Variants in ARHGAP24 observed in about 807,000 individuals in gnomAD.
ARHGAP24 encodes rho GTPase-activating protein 24.
ARHGAP24 carries 50 observed loss-of-function variants against 76.4 expected under a neutral mutation model. The observed-to-expected ratio is 0.65, with a 90% CI of 0.52 to 0.83. The LOEUF (loss-of-function observed/expected upper bound fraction) is 0.83. ARHGAP24 is among the 40% of genes least tolerant of loss of function. The pLI is 0.00. For missense variants in ARHGAP24, 930 were observed against 914.2 expected (o/e 1.02, Z -0.22); for synonymous variants, 345 against 323.3 (o/e 1.07, Z -0.72).
chr4:85,653,843 C>T (rs575682429), intron 2 of ARHGAP24, among the ~76,000 whole-genome samples: 2 of 152,240 alleles, frequency 1.3e-5, no homozygotes, highest in East Asian at 3.9e-4. Context: ...TGAATAGCCA[C>T]ATGTGCCCAG....
intron 2 of ARHGAP24, among the ~76,000 whole-genome samples, chr4:85,619,182 C>G (rs1720628980): frequency 6.6e-6 from 1 of 151,916 alleles, no homozygotes; most frequent in Non-Finnish European, 1.5e-5. Context: ...CCTCTGCTTT[C>G]AGATATTTGC....
intron 1 of ARHGAP24, among the ~76,000 whole-genome samples, chr4:85,562,953 G>A (rs902752327): frequency 6.6e-6 from 1 of 152,178 alleles, no homozygotes; most frequent in East Asian, 1.9e-4. Context: ...AAGAGTCTAA[G>A]GCCAGAGTTC....
In ARHGAP24 at chr4:85,830,090, T is replaced by A. The variant is rs143994849; in HGVS notation, c.269-93558T>A. Among the ~76,000 whole-genome samples, 846 of 152,350 alleles carry A rather than the reference T, an allele frequency of 5.6e-3. 24 individuals are homozygous for A. Among genetic ancestry groups the A allele is most frequent in the Admixed American group, 0.045 (693 of 15,304 alleles). The stretch of plus-strand genomic sequence containing the variant: ...CCTTTATTTACATATTTGATAAATA[T>A]CTCTAATTTTCTAAAATGCTTAAAC... On this transcript the variant is annotated intron_variant, in intron 3 of 9. Coordinates refer to ENST00000395184, the MANE Select transcript of ARHGAP24 (RefSeq NM_001025616.3).
At chr4:85,478,622 A>T (rs1307713687) in intron 1 of ARHGAP24, among the ~76,000 whole-genome samples, 2 of 152,206 alleles carry the variant, frequency 1.3e-5, no homozygotes, top group African/African-American at 4.8e-5. Context: ...ATGACTTACA[A>T]TATTTAAACT....
intron 1 of ARHGAP24, among the ~76,000 whole-genome samples, chr4:85,483,472 C>A: frequency 6.6e-6 from 1 of 151,964 alleles, no homozygotes; most frequent in Admixed American, 6.6e-5. Flanking sequence ...ATTATCTGGG[C>A]GTGGTGGTGC....
At chr4:85,798,706 C>A (rs1319125863) in intron 3 of ARHGAP24, among the ~76,000 whole-genome samples, 1 of 152,092 alleles carries the variant, frequency 6.6e-6, no homozygotes, top group East Asian at 1.9e-4. Flanking sequence ...ATTTTTGCAA[C>A]TTCTAAATGA....
chr4:85,674,041 C>T (rs1388903869), intron 2 of ARHGAP24, among the ~76,000 whole-genome samples: 1 of 152,116 alleles, frequency 6.6e-6, no homozygotes, highest in African/African-American at 2.4e-5. Context: ...CCTGGGCTCT[C>T]GACTTACCCA....
At chr4:85,939,242 A>G (rs1736818997) in intron 4 of ARHGAP24, among the ~76,000 whole-genome samples, 1 of 152,238 alleles carries the variant, frequency 6.6e-6, no homozygotes, top group South Asian at 2.1e-4. Context: ...TTTTAAAAGC[A>G]CAAAAAATGT....
intron 3 of ARHGAP24, among the ~76,000 whole-genome samples, chr4:85,729,928 G>T (rs538201327): frequency 6.6e-6 from 1 of 152,136 alleles, no homozygotes; most frequent in Admixed American, 6.5e-5. Context: ...CCTATGAAAA[G>T]GAAGATGAAA....
intron 2 of ARHGAP24, among the ~76,000 whole-genome samples, chr4:85,720,798 C>T (rs1234160443): frequency 6.6e-6 from 1 of 151,068 alleles, no homozygotes; most frequent in Non-Finnish European, 1.5e-5. Flanking sequence ...CTAGAGAAAA[C>T]AAAGAAACAA....
At chr4:85,770,348 T>A (rs1283495473) in intron 3 of ARHGAP24, among the ~76,000 whole-genome samples, 2 of 152,206 alleles carry the variant, frequency 1.3e-5, no homozygotes, top group Non-Finnish European at 2.9e-5. Flanking sequence ...CATAGTATGG[T>A]ATCACATTTT....
At chr4:85,777,170 A>C (rs1266390606) in intron 3 of ARHGAP24, among the ~76,000 whole-genome samples, 1 of 152,188 alleles carries the variant, frequency 6.6e-6, no homozygotes, top group Non-Finnish European at 1.5e-5. Flanking sequence ...ATACCCATTA[A>C]TTTCTCAACA....
chr4:85,482,020 C>T (rs1329581433), intron 1 of ARHGAP24, among the ~76,000 whole-genome samples: 1 of 152,146 alleles, frequency 6.6e-6, no homozygotes, highest in Non-Finnish European at 1.5e-5. Flanking sequence ...CTACAGCTAC[C>T]TTGAAGAGTC....
At chr4:85,776,809 T>C (rs980056082) in intron 3 of ARHGAP24, among the ~76,000 whole-genome samples, 4 of 152,164 alleles carry the variant, frequency 2.6e-5, no homozygotes, top group Non-Finnish European at 4.4e-5. Flanking sequence ...CTATGTCTCC[T>C]CAAGGCCTAT....
At chr4:85,486,300 A>G (rs1338314980) in intron 1 of ARHGAP24, among the ~76,000 whole-genome samples, 11 of 151,978 alleles carry the variant, frequency 7.2e-5, no homozygotes, top group Admixed American at 7.2e-4. Flanking sequence ...TATCTTGACA[A>G]TGACTGGATG....
chr4:85,641,130 G>A lies in ARHGAP24; in HGVS notation c.180+70409G>A, dbSNP rs538486753. ...TCTTTTAATAGAGACAGCATCTCAC[G>A]CTATCACTCAGGCTAGAGTGCAGTA... On this transcript the variant is annotated intron_variant, in intron 2 of 9. Coordinates refer to ENST00000395184, the MANE Select transcript of ARHGAP24 (RefSeq NM_001025616.3). Among the ~76,000 whole-genome samples the A allele has an allele frequency of 5.9e-5, 9 of 152,126 alleles. No individual in the cohort carries two copies. In the South Asian group the frequency reaches 1.7e-3, roughly 28 times the overall value.
At chr4:85,722,295 A>G (rs1295792947) in intron 3 of ARHGAP24, 5 of 300,830 alleles carry the variant, frequency 1.7e-5, no homozygotes, top group African/African-American at 1.1e-4. Context: ...GTGAAATTTG[A>G]CAAGGGGTTA....
Position 85,848,351 on chromosome 4 carries a change from A to G in ARHGAP24, c.269-75297A>G, listed in dbSNP as rs553952291. 2.0e-5 allele frequency among the ~76,000 whole-genome samples: 3 copies of G among 152,268 alleles called. No individual in the cohort carries two copies. In the South Asian group the frequency reaches 6.2e-4, roughly 32 times the overall value. On this transcript the variant is annotated intron_variant, in intron 3 of 9. Transcript: ENST00000395184. ...CTCTCCCATCCCCCTACCCCATGAC[A>G]GGCCCTGGTGTGTGATGTTCCCCGC... is the stretch of plus-strand genomic sequence containing the variant.
At chr4:85,620,442 A>C (rs1720678519) in intron 2 of ARHGAP24, among the ~76,000 whole-genome samples, 3 of 151,712 alleles carry the variant, frequency 2.0e-5, no homozygotes. Context: ...TTGGTGTATA[A>C]TTGTTCATAG....
Sources: allele counts gnomAD v4.1 joint callset (sites outside exome capture counted in the v4.1 genomes callset), GRCh38; gene constraint gnomAD v4.1.1; transcripts MANE v1.5; gene names NCBI Gene and HGNC (gene_info 2026-07-23, HGNC 2026-07-21).